Variants in TDRD12 observed in about 807,000 individuals in gnomAD.
TDRD12 encodes tudor domain containing 12.
A neutral mutation model predicts 133.5 loss-of-function variants in TDRD12; 158 were observed. The ratio of observed to expected loss-of-function variants is 1.18; its 90% CI spans 1.04 to 1.35. The LOEUF is 1.35. Ranked by LOEUF, TDRD12 falls within the 40% of genes most tolerant of loss-of-function variation. TDRD12 has a pLI of 0.00. For synonymous variants in TDRD12, 460 were observed against 477.9 expected, an observed-to-expected ratio of 0.96 and a Z score of 0.49; for missense variants, 1,443 against 1,321.3, an observed-to-expected ratio of 1.09 and a Z score of -1.43.
At chr19:32,779,986 G>A (rs547085213) in intron 11 of TDRD12, among the ~76,000 whole-genome samples, 2 of 151,434 alleles carry the variant, frequency 1.3e-5, no homozygotes, top group South Asian at 4.2e-4. Context: ...TTATTCTTCT[G>A]TTGTCTTCCT....
chr19:32,802,600 T>C lies in TDRD12; in HGVS notation c.2198-56T>C, dbSNP rs942321121. 1.1e-5 allele frequency: 17 copies of C among 1,512,192 alleles called. No individual in the cohort carries two copies. In the African/African-American group the frequency reaches 2.3e-4, roughly 21 times the overall value. The allele number at this position is 1,512,192 out of a possible 1,614,324, so 93.7% of individuals were successfully genotyped here. ...CAGTGTGGCCGTGGGAACTGCCGGT[T>C]AAAGTAAGTGCGGTAACTCCAGCGC... On this transcript the variant is annotated intron_variant, in intron 19 of 27. Coordinates refer to ENST00000444215, the Ensembl canonical transcript of TDRD12.
chr19:32,739,573 C>T (rs1157444892), intron 3 of TDRD12, among the ~76,000 whole-genome samples: 3 of 137,448 alleles, frequency 2.2e-5, no homozygotes, highest in African/African-American at 5.4e-5. Context: ...CATCTCCTGG[C>T]TGCTGTCTGC....
intron 26 of TDRD12, 132 bp from the exon 27 acceptor site, chr19:32,817,957 A>C: frequency 1.5e-6 from 1 of 666,794 alleles, no homozygotes; most frequent in Non-Finnish European, 2.7e-6. Flanking sequence ...CTTTAGAAGC[A>C]GGCCTCTGTC....
Position 32,790,600 on chromosome 19 carries a change from GGCCC to G in TDRD12, c.1182+10_1182+13del. 3 of 1,551,584 alleles carry G rather than the reference GGCCC, an allele frequency of 1.9e-6. No individual in the cohort carries two copies. Among genetic ancestry groups the G allele is most frequent in the Non-Finnish European group, 8.7e-7 (1 of 1,147,018 alleles). On this transcript the variant is annotated intron_variant, in intron 12 of 27. Transcript: ENST00000444215. Reference sequence around the variant, plus strand: ...TCTCTGATCTCCAGCAGGTATTACAGGCCCTAAAAAAAGTAAAATAAAAAGAGAG... The same window carrying G: ...TCTCTGATCTCCAGCAGGTATTACAGTAAAAAAAGTAAAATAAAAAGAGAG...
intron 6 of TDRD12, among the ~76,000 whole-genome samples, chr19:32,750,907 A>C (rs1423227416): frequency 6.6e-6 from 1 of 152,228 alleles, no homozygotes; most frequent in African/African-American, 2.4e-5. Flanking sequence ...GCAGGGGTTT[A>C]TGACGTCAGT....
intron 9 of TDRD12, 89 bp from the exon 33 acceptor site, chr19:32,827,074 AT>A (rs1300537276): frequency 4.6e-6 from 3 of 649,588 alleles, no homozygotes; most frequent in Non-Finnish European, 6.6e-6. Context: ...AACCCAAGGC[AT>A]TTTTTTCTGC....
At chr19:32,721,967 C>T (rs888741554) in intron 1 of TDRD12, among the ~76,000 whole-genome samples, 2 of 151,770 alleles carry the variant, frequency 1.3e-5, no homozygotes, top group African/African-American at 4.8e-5. Flanking sequence ...CCACCCGCCT[C>T]GGCTTCCCAA....
chr19:32,739,409 GTTCT>G (rs1568450388), intron 3 of TDRD12, among the ~76,000 whole-genome samples: 1 of 125,276 alleles, frequency 8.0e-6, no homozygotes. Context: ...ATCTCCTGGG[GTTCT>G]CTCTCTATCA....
intron 13 of TDRD12, among the ~76,000 whole-genome samples, chr19:32,791,282 T>G (rs781240530): frequency 1.2e-4 from 19 of 152,140 alleles, no homozygotes; most frequent in Non-Finnish European, 2.4e-4. Flanking sequence ...GAGTGAGTGA[T>G]TGTTTTGTGA....
At chr19:32,720,353 A>G (rs560312301) in intron 1 of TDRD12, among the ~76,000 whole-genome samples, 1 of 48,218 alleles carries the variant, frequency 2.1e-5, no homozygotes, top group South Asian at 8.3e-4. Context: ...GCCCACACCT[A>G]CTCCCCACGC....
At chr19:32,817,544 G>A (rs959002515) in intron 26 of TDRD12, among the ~76,000 whole-genome samples, 1 of 152,108 alleles carries the variant, frequency 6.6e-6, no homozygotes, top group Middle Eastern at 3.4e-3. Context: ...TCTTGACTGT[G>A]GTGAGTGTGC....
rs1967589041 is a variant in TDRD12, at chr19:32,826,350, G to GTT, written c.891_892dup (p.Ala300ValfsTer19). ...GTGTCAGTATTTAAGGGATAGAGTC[G>GTT]TTTTCAGGTAGGTTTATGTATAGTC... On this transcript the variant is annotated frameshift_variant, in exon 8 of 10. Transcript: ENST00000637289. LOFTEE classifies it high-confidence loss of function. The GTT allele has an allele frequency of 7.6e-7, 1 of 1,314,894 alleles. No homozygotes were observed. The highest frequency in any genetic ancestry group is 1.5e-5 in the African/African-American group (1 of 68,040). The allele number at this position is 1,314,894 out of a possible 1,614,324, so 81.5% of individuals were successfully genotyped here. A position where few individuals can be genotyped will look rare whatever the true frequency, so the allele number is the denominator to read the frequency against.
intron 10 of TDRD12, among the ~76,000 whole-genome samples, chr19:32,776,394 G>T (rs1190040070): frequency 6.6e-6 from 1 of 152,206 alleles, no homozygotes; most frequent in Non-Finnish European, 1.5e-5. Flanking sequence ...GCTGGGTGCA[G>T]CCCCAAGATC....
intron 25 of TDRD12, 22 bp downstream of exon 25, chr19:32,813,798 GAAAT>G (rs1481793495): frequency 7.1e-7 from 1 of 1,412,194 alleles, no homozygotes; most frequent in South Asian, 1.3e-5. Context: ...TTTTTTCTTA[GAAAT>G]AAATTTGTTT....
chr19:32,793,185 C>T (rs1726809217), intron 13 of TDRD12, among the ~76,000 whole-genome samples: 2 of 149,236 alleles, frequency 1.3e-5, no homozygotes, highest in African/African-American at 5.0e-5. Flanking sequence ...ACTCTGTCTA[C>T]AATAATAATA....
At chr19:32,748,260 TCTG>T (rs1371492026) in intron 4 of TDRD12, among the ~76,000 whole-genome samples, 1 of 152,098 alleles carries the variant, frequency 6.6e-6, no homozygotes, top group Non-Finnish European at 1.5e-5. Context: ...GTGCTATGAG[TCTG>T]CACCGGTGCA....
intron 1 of TDRD12, among the ~76,000 whole-genome samples, chr19:32,721,204 C>T (rs1257212153): frequency 6.6e-6 from 1 of 152,054 alleles, no homozygotes; most frequent in Non-Finnish European, 1.5e-5. Context: ...CCCTTGGAGT[C>T]CAGTGAGGGC....
At chr19:32,795,009 A>C (rs1041622887) in intron 14 of TDRD12, among the ~76,000 whole-genome samples, 196 bp downstream of exon 14, 2 of 152,076 alleles carry the variant, frequency 1.3e-5, no homozygotes, top group Non-Finnish European at 2.9e-5. Flanking sequence ...CCTGGAGCCT[A>C]TAGTTGTGGG....
intron 6 of TDRD12, among the ~76,000 whole-genome samples, chr19:32,751,056 G>A (rs1328971754): frequency 6.6e-6 from 1 of 151,958 alleles, no homozygotes; most frequent in Non-Finnish European, 1.5e-5. Context: ...CGTGACCTAG[G>A]TATTAAGCCC....
Sources: allele counts gnomAD v4.1 joint callset (sites outside exome capture counted in the v4.1 genomes callset), GRCh38; gene constraint gnomAD v4.1.1; transcripts MANE v1.5; gene names NCBI Gene and HGNC (gene_info 2026-07-23, HGNC 2026-07-21).